DIDO1: variants seen among roughly 807,000 people sequenced by gnomAD.
DIDO1 encodes the protein death inducer-obliterator 1, also known as death-inducer obliterator 1.
DIDO1 carries 16 observed loss-of-function variants against 99.4 expected under a neutral mutation model. The observed-to-expected ratio is 0.16, with a 90% CI of 0.11 to 0.24. The LOEUF (loss-of-function observed/expected upper bound fraction) is 0.24, where lower values mean the gene tolerates loss of function less well. DIDO1 is among the 10% of genes least tolerant of loss of function. The probability of loss-of-function intolerance (pLI) is 1.00; values close to 1 mark genes in which losing one functional copy is unlikely to be tolerated. For missense variants in DIDO1, 2,996 were observed against 3,014.0 expected (o/e 0.99, Z 0.14); for synonymous variants, 1,366 against 1,239.1 (o/e 1.10, Z -2.15).
chr20:62,907,451 A>G, intron 4 of DIDO1, 92 bp from the exon 5 acceptor site: 2 of 1,208,558 alleles, frequency 1.7e-6, no homozygotes, highest in South Asian at 2.7e-5. Flanking sequence ...TATAGTACCA[A>G]GGCCACAGTT....
At chr20:62,926,245 G>A (rs2065251610) in intron 1 of DIDO1, among the ~76,000 whole-genome samples, 194 bp downstream of exon 1, 1 of 111,456 alleles carries the variant, frequency 9.0e-6, no homozygotes, top group African/African-American at 5.0e-5. Flanking sequence ...GCTCTGACCG[G>A]CCCCGCCCGC....
chr20:62,906,278 G>A (rs1388277523), intron 5 of DIDO1, among the ~76,000 whole-genome samples, 178 bp from the exon 6 acceptor site: 4 of 152,134 alleles, frequency 2.6e-5, no homozygotes, highest in South Asian at 2.1e-4. Context: ...GTGGGCCCGC[G>A]GTGGGCCCGC....
intron 1 of DIDO1, among the ~76,000 whole-genome samples, chr20:62,936,716 T>C (rs192202187): frequency 1.3e-5 from 2 of 151,178 alleles, no homozygotes; most frequent in East Asian, 3.9e-4. Context: ...ATACAAAAAT[T>C]AGCTGGGCGT....
intron 1 of DIDO1, among the ~76,000 whole-genome samples, chr20:62,917,088 G>A (rs928219552): frequency 2.0e-5 from 3 of 152,098 alleles, no homozygotes; most frequent in African/African-American, 7.2e-5. Context: ...GATCACTGCA[G>A]CCTCAGCACC....
intron 1 of DIDO1, among the ~76,000 whole-genome samples, chr20:62,922,201 T>C (rs1324921533): frequency 7.0e-6 from 1 of 143,238 alleles, no homozygotes; most frequent in African/African-American, 2.6e-5. Context: ...TGTGTGTATA[T>C]ATATATGTAC....
intron 1 of DIDO1, among the ~76,000 whole-genome samples, chr20:62,932,771 A>C (rs2065344074): frequency 2.0e-5 from 3 of 152,252 alleles, no homozygotes; most frequent in Admixed American, 1.3e-4. Flanking sequence ...AAACTTACAA[A>C]ATATTCAGTG....
intron 6 of DIDO1, among the ~76,000 whole-genome samples, chr20:62,898,415 G>C (rs1168170667): frequency 1.3e-5 from 2 of 152,212 alleles, no homozygotes; most frequent in Non-Finnish European, 2.9e-5. Context: ...TACAAAACTT[G>C]CAACAGTACT....
At chr20:62,893,343 C>T (rs904133613) in intron 12 of DIDO1, among the ~76,000 whole-genome samples, 3 of 152,170 alleles carry the variant, frequency 2.0e-5, no homozygotes, top group Admixed American at 6.5e-5. Flanking sequence ...CAAAAGTGAA[C>T]GCTTGCAAGT....
chr20:62,910,253 T>C (rs1191507382), intron 3 of DIDO1, among the ~76,000 whole-genome samples: 1 of 152,192 alleles, frequency 6.6e-6, no homozygotes. Context: ...CCACCACAGA[T>C]ACCTCAGCAA....
chr20:62,899,918 G>C (rs1398078224), intron 6 of DIDO1, among the ~76,000 whole-genome samples: 1 of 152,250 alleles, frequency 6.6e-6, no homozygotes, highest in African/African-American at 2.4e-5. Flanking sequence ...TGGGTCAGCT[G>C]CTGCTGAAAT....
chr20:62,899,243 T>C (rs1256281860), intron 6 of DIDO1, among the ~76,000 whole-genome samples: 1 of 152,216 alleles, frequency 6.6e-6, no homozygotes, highest in African/African-American at 2.4e-5. Flanking sequence ...TGTTTTAATA[T>C]CACGTTTAAA....
chr20:62,922,610 G>A (rs1366625816), intron 1 of DIDO1, among the ~76,000 whole-genome samples: 1 of 152,156 alleles, frequency 6.6e-6, no homozygotes, highest in Non-Finnish European at 1.5e-5. Context: ...TGTGAAATGG[G>A]GACGGTAACG....
intron 1 of DIDO1, among the ~76,000 whole-genome samples, chr20:62,921,185 C>T (rs901023326): frequency 1.3e-5 from 2 of 152,316 alleles, no homozygotes; most frequent in East Asian, 1.9e-4. Flanking sequence ...CATGAGCCAC[C>T]GTGCCCGGCT....
upstream of DIDO1, among the ~76,000 whole-genome samples, chr20:62,929,695 G>GTGTATATATATATATATATA (rs1491466464): frequency 1.0e-5 from 1 of 97,972 alleles, no homozygotes; most frequent in African/African-American, 4.6e-5. Flanking sequence ...AAGAAAAAGT[G>GTGTATATATATATATATATA]TATATATATA....
chr20:62,899,860 C>G (rs112959161), intron 6 of DIDO1, among the ~76,000 whole-genome samples: 2 of 152,340 alleles, frequency 1.3e-5, no homozygotes, highest in African/African-American at 4.8e-5. Flanking sequence ...GGGACCCGAG[C>G]ACACACCCAT....
upstream of DIDO1, among the ~76,000 whole-genome samples, chr20:62,931,192 C>T (rs2147608657): frequency 6.6e-6 from 1 of 152,288 alleles, no homozygotes; most frequent in South Asian, 2.1e-4. Flanking sequence ...CTCTGCCTCC[C>T]AAAGTGCTGG....
rs761772780 is a variant in DIDO1 at position 62,880,606 on chromosome 20, C to G, written c.5350G>C (p.Glu1784Gln). The G allele has an allele frequency of 2.8e-5, 45 of 1,612,808 alleles. No individual in the cohort carries two copies. Among genetic ancestry groups the G allele is most frequent in the Non-Finnish European group, 3.6e-5 (43 of 1,180,020 alleles). The part of the protein sequence containing the change: ...PRGPAPPFPE[E>Q]NIASNDGPRG... ...GGCCCATCGTTAGAAGCGATATTCT[C>G]TTCTGGAAACGGAGGGGCTGGCCCC... The change falls in exon 16 of 16, where the codon GAG becomes CAG. Residue 1784 changes from glutamate to glutamine, a missense_variant. Physicochemically the swap from Glu to Gln is conservative, Grantham distance 29. Coordinates refer to ENST00000395343, the MANE Select transcript of DIDO1 (RefSeq NM_001193369.2).
chr20:62,915,493 C>T (rs889341198), intron 1 of DIDO1, among the ~76,000 whole-genome samples: 12 of 152,102 alleles, frequency 7.9e-5, no homozygotes, highest in African/African-American at 2.9e-4. Context: ...ATTTATTTTA[C>T]TTTACTTTTT....
chr20:62,879,051 A>T lies in DIDO1; in HGVS notation c.*182T>A, dbSNP rs1052107135. On this transcript the variant is annotated 3_prime_UTR_variant, in exon 16 of 16. Coordinates refer to ENST00000395343, the MANE Select transcript of DIDO1 (RefSeq NM_001193369.2). The surrounding 1 kb of genome is among the most constrained non-coding windows in gnomAD (Gnocchi z 6.3). The stretch of plus-strand genomic sequence containing the variant: ...GGAAATATTAAAGTTTAGTTTTTTT[A>T]AAAAAGCATCAGAATTGTAAAGATG... 5.1e-5 allele frequency: 27 copies of T among 527,580 alleles called. No individual in the cohort carries two copies. The highest frequency in any genetic ancestry group is 2.6e-4 in the African/African-American group (13 of 50,498). The allele number at this position is 527,580 out of a possible 1,614,324, so 32.7% of individuals were successfully genotyped here. A position where few individuals can be genotyped will look rare whatever the true frequency, so the allele number is the denominator to read the frequency against.
Sources: allele counts gnomAD v4.1 joint callset (sites outside exome capture counted in the v4.1 genomes callset), GRCh38; gene constraint gnomAD v4.1.1; non-coding constraint Gnocchi (gnomAD v3.1); transcripts MANE v1.5; gene names NCBI Gene and HGNC (gene_info 2026-07-23, HGNC 2026-07-21).